Variants in TG observed in about 807,000 individuals in gnomAD.
TG encodes thyroglobulin.
In TG, 270 loss-of-function variants were observed where a neutral mutation model predicts 324.7. That is an observed-to-expected ratio of 0.83 (90% CI 0.75 to 0.92). The LOEUF (loss-of-function observed/expected upper bound fraction) is 0.92, where lower values mean the gene tolerates loss of function less well. Among genes scored for constraint, TG ranks in the 40% least tolerant of loss-of-function variants. The pLI is 0.00. For missense variants in TG, 3,591 were observed against 3,456.4 expected, an observed-to-expected ratio of 1.04 and a Z score of -0.98; for synonymous variants, 1,401 against 1,327.0, an observed-to-expected ratio of 1.06 and a Z score of -1.21.
At chr8:132,900,922 C>T (rs1017899879) in intron 15 of TG, among the ~76,000 whole-genome samples, 10 of 152,190 alleles carry the variant, frequency 6.6e-5, no homozygotes, top group African/African-American at 1.4e-4. Flanking sequence ...TGTGCCTTCA[C>T]GCGTTCTGGC....
chr8:132,887,832 A>G (rs561170116), intron 9 of TG, 152 bp from the exon 10 acceptor site: 336 of 814,656 alleles, frequency 4.1e-4, no homozygotes, highest in Non-Finnish European at 5.9e-4. Flanking sequence ...GGCAATGCCT[A>G]TCTAGATATT....
chr8:132,914,145 G>A lies in TG; in HGVS notation c.4378+880G>A, dbSNP rs374491766. ...TTTATTTTGAGGTCAGCCAATTAGC[G>A]ACCTTAATTCCATCTACACAGGTAA... On this transcript the variant is annotated intron_variant, in intron 20 of 47. Coordinates refer to ENST00000220616, the MANE Select transcript of TG (RefSeq NM_003235.5). Among the ~76,000 whole-genome samples the A allele has an allele frequency of 1.6e-4, 24 of 152,228 alleles. No individual in the cohort carries two copies. In the East Asian group the frequency reaches 2.3e-3, roughly 15 times the overall value.
intron 2 of TG, among the ~76,000 whole-genome samples, chr8:132,869,514 C>T (rs1245714617): frequency 6.6e-6 from 1 of 152,200 alleles, no homozygotes; most frequent in African/African-American, 2.4e-5. Context: ...GAATGAATGG[C>T]TGGGGCAGGA....
chr8:132,958,932 A>T (rs2130302290), intron 27 of TG, among the ~76,000 whole-genome samples: 1 of 152,274 alleles, frequency 6.6e-6, no homozygotes, highest in Non-Finnish European at 1.5e-5. Context: ...CAAATCCAGT[A>T]ATTGCAGAGA....
At chr8:133,120,698 A>G (rs1245150758) in intron 45 of TG, among the ~76,000 whole-genome samples, 5 of 152,196 alleles carry the variant, frequency 3.3e-5, no homozygotes, top group African/African-American at 1.2e-4. Context: ...TAATGACCTC[A>G]GTTTTACTTG....
chr8:133,111,442 G>A (rs1770429305), intron 43 of TG, among the ~76,000 whole-genome samples: 1 of 152,238 alleles, frequency 6.6e-6, no homozygotes, highest in South Asian at 2.1e-4. Context: ...AGGGGTGCCA[G>A]TGGGTTACTA....
At chr8:132,948,186 C>CG (rs974203276) in intron 26 of TG, among the ~76,000 whole-genome samples, 15 of 151,598 alleles carry the variant, frequency 9.9e-5, no homozygotes, top group African/African-American at 2.4e-4. Flanking sequence ...CCGTCCCCCC[C>CG]CAAAAAAAGT....
chr8:133,018,062 C>T, intron 38 of TG, 65 bp downstream of exon 38: 1 of 1,493,890 alleles, frequency 6.7e-7, no homozygotes, highest in Non-Finnish European at 9.2e-7. Flanking sequence ...CTAATCTATC[C>T]AAATGGGACT....
chr8:132,882,398 G>A, intron 6 of TG, 71 bp from the exon 7 acceptor site: 10 of 1,569,616 alleles, frequency 6.4e-6, no homozygotes, highest in Non-Finnish European at 8.8e-6. Context: ...CTCAGTATCT[G>A]TTTGCACAAC....
At chr8:133,008,154 GT>G in intron 35 of TG, among the ~76,000 whole-genome samples, 1 of 152,102 alleles carries the variant, frequency 6.6e-6, no homozygotes, top group South Asian at 2.1e-4. Context: ...TCAAATTAAT[GT>G]TTAACTTTGA....
chr8:132,921,099 A>G (rs1821044809), intron 21 of TG, among the ~76,000 whole-genome samples: 1 of 152,226 alleles, frequency 6.6e-6, no homozygotes, highest in Non-Finnish European at 1.5e-5. Flanking sequence ...TAATAAGGGC[A>G]TTAACAACAT....
Position 132,972,838 on chromosome 8 carries a change from A to G in TG, c.6199+97A>G, listed in dbSNP as rs888559280. ...TATTCTTGGATTGGTGAGTAGATTAATGAAGACTCATTGGGTTCAAGCAAC... is the reference window on the plus strand; with the variant it reads ...TATTCTTGGATTGGTGAGTAGATTAGTGAAGACTCATTGGGTTCAAGCAAC... On this transcript the variant is annotated intron_variant, in intron 34 of 47. Coordinates refer to ENST00000220616, the MANE Select transcript of TG (RefSeq NM_003235.5). 4 of 1,472,784 alleles carry G rather than the reference A, an allele frequency of 2.7e-6. No individual in the cohort carries two copies. In the African/African-American group the frequency reaches 4.1e-5, roughly 15 times the overall value. The allele number at this position is 1,472,784 out of a possible 1,614,324, so 91.2% of individuals were successfully genotyped here. A position where few individuals can be genotyped will look rare whatever the true frequency, so the allele number is the denominator to read the frequency against.
intron 11 of TG, among the ~76,000 whole-genome samples, chr8:132,895,915 G>A (rs781105101): frequency 4.6e-5 from 7 of 152,232 alleles, no homozygotes; most frequent in Non-Finnish European, 8.8e-5. Flanking sequence ...GTAGCCACAT[G>A]CTCCGCTTTG....
chr8:132,977,168 C>T (rs565910888), intron 34 of TG, among the ~76,000 whole-genome samples: 39 of 152,110 alleles, frequency 2.6e-4, no homozygotes, highest in Non-Finnish European at 4.0e-4. Context: ...ACTTTTCTCC[C>T]CACTCTTAGC....
chr8:133,048,850 A>C (rs1839925140), intron 41 of TG: 1 of 189,734 alleles, frequency 5.3e-6, no homozygotes, highest in Non-Finnish European at 1.1e-5. Context: ...ATGAATACTA[A>C]AATTAAACTC....
intron 28 of TG, among the ~76,000 whole-genome samples, chr8:132,962,153 G>C (rs1827855481): frequency 6.6e-6 from 1 of 152,132 alleles, no homozygotes; most frequent in South Asian, 2.1e-4. Context: ...GGAGGAAGAG[G>C]AGAAAAGGAG....
chr8:132,961,157 C>G (rs1827704946), intron 28 of TG, 84 bp downstream of exon 28: 2 of 1,360,350 alleles, frequency 1.5e-6, no homozygotes, highest in Admixed American at 3.4e-5. Flanking sequence ...ACAGGGCACT[C>G]TATTTCTGTA....
At chr8:133,067,095 AAG>A (rs1346094345) in intron 41 of TG, among the ~76,000 whole-genome samples, 3 of 152,162 alleles carry the variant, frequency 2.0e-5, no homozygotes, top group African/African-American at 7.2e-5. Context: ...CAGGAAAAAT[AAG>A]AGCTGGCACA....
intron 34 of TG, among the ~76,000 whole-genome samples, chr8:132,975,507 C>T (rs1400405367): frequency 1.3e-5 from 2 of 152,126 alleles, no homozygotes; most frequent in African/African-American, 4.8e-5. Context: ...TCTGGGGACT[C>T]GACTCAGGAG....
Sources: allele counts gnomAD v4.1 joint callset (sites outside exome capture counted in the v4.1 genomes callset), GRCh38; gene constraint gnomAD v4.1.1; transcripts MANE v1.5; gene names NCBI Gene and HGNC (gene_info 2026-07-23, HGNC 2026-07-21).